NOTUM: variants seen among roughly 807,000 people sequenced by gnomAD.
The protein encoded by NOTUM is notum, palmitoleoyl-protein carboxylesterase, also known as palmitoleoyl-protein carboxylesterase NOTUM.
NOTUM carries 36 observed loss-of-function variants against 65.5 expected under a neutral mutation model. That is an observed-to-expected ratio of 0.55 (90% CI 0.42 to 0.73). NOTUM has a LOEUF of 0.73. Ranked by LOEUF, NOTUM falls within the 30% of genes least tolerant of loss-of-function variation. NOTUM has a pLI of 0.00. For missense variants in NOTUM, 659 were observed against 694.2 expected (o/e 0.95, Z 0.57); for synonymous variants, 356 against 297.9 (o/e 1.20, Z -2.01).
chr17:81,953,345 AC>A, intron 10 of NOTUM, 78 bp from the exon 11 acceptor site: 1 of 912,984 alleles, frequency 1.1e-6, no homozygotes, highest in Non-Finnish European at 1.7e-6. Flanking sequence ...TTTTTTTGAG[AC>A]CAGCCATGGC....
Position 81,953,037 on chromosome 17 carries a change from A to G in NOTUM, c.1415T>C (p.Phe472Ser). The G allele has an allele frequency of 6.2e-7, 1 of 1,614,022 alleles. No individual in the cohort carries two copies. Among genetic ancestry groups the G allele is most frequent in the Non-Finnish European group, 8.5e-7 (1 of 1,179,960 alleles). ...NVAQFLMHMG[F>S]DMQTVAQPQG... ...CGGCTGGGCCACCGTCTGCATGTCG[A>G]AGCCCATGTGCATGAGGAACTGGGC... Residue 472 changes from phenylalanine (F) to serine (S), a missense_variant, in exon 11 of 11, where the codon TTC (phenylalanine) becomes TCC (serine). Coordinates refer to ENST00000409678, the MANE Select transcript of NOTUM (RefSeq NM_178493.6).
Position 81,952,522 on chromosome 17 carries a change from TCTCTTTAAA to T in NOTUM, c.*430_*438del, listed in dbSNP as rs1429449003. The stretch of plus-strand genomic sequence containing the variant: ...GCGGGCAGGGTGAGGTTCTTTTTTG[TCTCTTTAAA>T]ATCATTTTTAAAAAGTTACAAAACA... On this transcript the variant is annotated 3_prime_UTR_variant, in exon 11 of 11. Transcript: ENST00000409678. 2 of 156,228 alleles carry T rather than the reference TCTCTTTAAA, an allele frequency of 1.3e-5. No individual in the cohort carries two copies. Among genetic ancestry groups the T allele is most frequent in the Non-Finnish European group, 2.8e-5 (2 of 70,706 alleles). The allele number at this position is 156,228 out of a possible 1,614,324, so 9.7% of individuals were successfully genotyped here.
intron 5 of NOTUM, 100 bp from the exon 6 acceptor site, chr17:81,958,008 AC>A (rs1270199570): frequency 2.1e-5 from 18 of 867,456 alleles, no homozygotes; most frequent in Non-Finnish European, 3.2e-5. Context: ...CCACTGGGGG[AC>A]TGGGAGGAAT....
chr17:81,954,542 GC>G (rs1244199297), intron 9 of NOTUM, among the ~76,000 whole-genome samples: 1 of 152,224 alleles, frequency 6.6e-6, no homozygotes, highest in Non-Finnish European at 1.5e-5. Context: ...CCAGGTGATG[GC>G]AAGAGGCTGC....
rs530981918 is a variant in NOTUM, at chr17:81,958,390, G to A, written c.537C>T (p.Phe179=). Residue 179 remains phenylalanine (F), a synonymous_variant, in exon 5 of 11, where the codon TTC becomes TTT. Transcript: ENST00000409678. ...NPYWWNANMV[F]IPYCSSDVWS... ...AAACATCACTGGAGCAGTAGGGGAT[G>A]AAGCTGCAACACAGAACAGAGTGAG... The A allele has an allele frequency of 8.1e-6, 13 of 1,608,548 alleles. No homozygotes were observed. The Admixed American group carries it at 2.2e-4, about 27-fold the overall frequency.
intron 8 of NOTUM, 39 bp from the exon 9 acceptor site, chr17:81,955,583 C>T (rs1261128996): frequency 1.9e-6 from 3 of 1,587,634 alleles, no homozygotes; most frequent in Admixed American, 1.7e-5. Context: ...CCCCTGACCC[C>T]CGCTGCTGCC....
Position 81,954,313 on chromosome 17 carries a change from A to G in NOTUM, c.1137-10T>C. 1 of 1,610,172 alleles carries G rather than the reference A, an allele frequency of 6.2e-7. No individual in the cohort carries two copies. Among genetic ancestry groups the G allele is most frequent in the Non-Finnish European group, 8.5e-7 (1 of 1,176,572 alleles). ...GGGGGCAAAGCTGGCCCTGTTGGAG[A>G]GGAGACAGTGGCTTGTGAGCTCCTT... is the stretch of plus-strand genomic sequence containing the variant. On this transcript the variant is annotated splice_polypyrimidine_tract_variant and intron_variant, in intron 9 of 10. Transcript: ENST00000409678.
chr17:81,955,553 G>C lies in NOTUM; in HGVS notation c.989-9C>G. On this transcript the variant is annotated splice_polypyrimidine_tract_variant and intron_variant, in intron 8 of 10. Coordinates refer to ENST00000409678, the MANE Select transcript of NOTUM (RefSeq NM_178493.6). Reference sequence around the variant, plus strand: ...CACCACGAACACAGGGCCTGCGGGCGGCGGGGCTCAGTTCGGCCTCCCCTG... The same window carrying C: ...CACCACGAACACAGGGCCTGCGGGCCGCGGGGCTCAGTTCGGCCTCCCCTG... The C allele has an allele frequency of 1.2e-6, 2 of 1,606,626 alleles. No individual in the cohort carries two copies. The highest frequency in any genetic ancestry group is 1.1e-5 in the South Asian group (1 of 90,784).
chr17:81,956,861 C>T lies in NOTUM; in HGVS notation c.887+22G>A, dbSNP rs61734818. 3.0e-4 allele frequency: 483 copies of T among 1,603,166 alleles called. No homozygotes were observed. In the African/African-American group the frequency reaches 5.2e-3, roughly 17 times the overall value. ...CTGGGGCAAAGCTGCAGCACGAGGA[C>T]GGGCCCTCCCCGCTGCGGCACCTGA... is the stretch of plus-strand genomic sequence containing the variant. On this transcript the variant is annotated intron_variant, in intron 7 of 10. Transcript: ENST00000409678.
chr17:81,955,311 T>G, intron 9 of NOTUM, 86 bp downstream of exon 9: 1 of 1,260,198 alleles, frequency 7.9e-7, no homozygotes, highest in Non-Finnish European at 1.1e-6. Context: ...TTGTTCTGGT[T>G]TTTCTTCTTT....
chr17:81,956,431 G>A lies in NOTUM; in HGVS notation c.988+219C>T, dbSNP rs552915692. 1.3e-4 allele frequency among the ~76,000 whole-genome samples: 20 copies of A among 152,064 alleles called. No individual in the cohort carries two copies. The East Asian group carries it at 3.5e-3, about 26-fold the overall frequency. On this transcript the variant is annotated intron_variant, in intron 8 of 10. Transcript: ENST00000409678. The stretch of plus-strand genomic sequence containing the variant: ...GTCCCAGGCATGCCGCAGCGACTAG[G>A]CCCCCTGGCACACAGCCGGCCTCCT...
At chr17:81,954,407 G>A in intron 9 of NOTUM, 104 bp from the exon 10 acceptor site, 2 of 757,308 alleles carry the variant, frequency 2.6e-6, no homozygotes, top group Non-Finnish European at 2.2e-6. Flanking sequence ...ACCCCTTCCT[G>A]TTGCTATGGC....
chr17:81,957,730 C>T, intron 6 of NOTUM, 76 bp downstream of exon 6: 1 of 1,042,944 alleles, frequency 9.6e-7, no homozygotes. Context: ...CTCATACAAC[C>T]CCACCCCACA....
At chr17:81,958,203 A>G in intron 5 of NOTUM, 132 bp downstream of exon 5, 1 of 688,828 alleles carries the variant, frequency 1.5e-6, no homozygotes, top group South Asian at 1.7e-5. Context: ...AAGCACGACA[A>G]GGCTGAGAGT....
At chr17:81,959,274 G>T (rs1598369261) in intron 3 of NOTUM, 197 bp downstream of exon 3, 2 of 612,100 alleles carry the variant, frequency 3.3e-6, no homozygotes, top group South Asian at 2.0e-5. Flanking sequence ...GGCCAGAGCC[G>T]CTGGGTAAGC....
chr17:81,960,462 G>A lies in NOTUM; in HGVS notation c.323+125C>T, dbSNP rs2041466072. 2 of 664,990 alleles carry A rather than the reference G, an allele frequency of 3.0e-6. No homozygotes were observed. The highest frequency in any genetic ancestry group is 4.8e-6 in the Non-Finnish European group (2 of 419,680). The allele number at this position is 664,990 out of a possible 1,614,324, so 41.2% of individuals were successfully genotyped here. A position where few individuals can be genotyped will look rare whatever the true frequency, so the allele number is the denominator to read the frequency against. On this transcript the variant is annotated intron_variant, in intron 1 of 10. Transcript: ENST00000409678. This position sits in a 1 kb window ranked among gnomAD's most constrained non-coding sequence, Gnocchi z 6.4. ...CGAACCGGGCACTCCTCGGGGCCAGGACCGCGGGGCGCCCGACGGAAGCCC... is the reference window on the plus strand; with the variant it reads ...CGAACCGGGCACTCCTCGGGGCCAGAACCGCGGGGCGCCCGACGGAAGCCC...
At chr17:81,959,429 G>C in intron 3 of NOTUM, 42 bp downstream of exon 3, 2 of 1,456,818 alleles carry the variant, frequency 1.4e-6, no homozygotes, top group Non-Finnish European at 1.9e-6. Flanking sequence ...GCTTCCTCCC[G>C]GGCCTCACGT....
At chr17:81,958,540 G>C (rs932726882) in intron 4 of NOTUM, 147 bp from the exon 5 acceptor site, 19 of 639,858 alleles carry the variant, frequency 3.0e-5, no homozygotes, top group Admixed American at 5.2e-5. Flanking sequence ...TTCCCCTCAA[G>C]AAAGACCTCC....
chr17:81,956,988 C>T lies in NOTUM; in HGVS notation c.782G>A (p.Gly261Asp). 2 of 1,612,996 alleles carry T rather than the reference C, an allele frequency of 1.2e-6. No individual in the cohort carries two copies. Among genetic ancestry groups the T allele is most frequent in the Non-Finnish European group, 1.7e-6 (2 of 1,179,864 alleles). Residue 261 changes from glycine to aspartate, a missense_variant, in exon 7 of 11, where the codon GGC becomes GAC. Coordinates refer to ENST00000409678, the MANE Select transcript of NOTUM (RefSeq NM_178493.6). ...KLGYPAIQVR[G>D]LADSGWFLDN... ...CAGGAACCAGCCGGAGTCAGCCAGG[C>T]CTCGCACCTGGATGGCTGGGTAGCC...
Sources: gnomAD v4.1 joint callset for allele counts (sites outside exome capture counted in the v4.1 genomes callset) on GRCh38, gnomAD v4.1.1 for gene constraint, Gnocchi (gnomAD v3.1) non-coding constraint, MANE v1.5 for transcripts, NCBI Gene and HGNC (gene_info 2026-07-23, HGNC 2026-07-21) for gene names.